The following LAMA2 variants were observed in gnomAD, a reference collection of about 807,000 sequenced individuals.
LAMA2 encodes the protein laminin subunit alpha 2, also known as laminin subunit alpha-2.
In LAMA2, 269 loss-of-function variants were observed where a neutral mutation model predicts 364.8. The observed-to-expected ratio is 0.74, with a 90% CI of 0.67 to 0.82. The LOEUF is 0.82. LAMA2 is among the 40% of genes least tolerant of loss of function. The probability of loss-of-function intolerance (pLI) is 0.00; values close to 1 mark genes in which losing one functional copy is unlikely to be tolerated. For synonymous variants in LAMA2, 1,379 were observed against 1,370.6 expected, an observed-to-expected ratio of 1.01 and a Z score of -0.14; for missense variants, 3,807 against 3,873.2, an observed-to-expected ratio of 0.98 and a Z score of 0.45.
At chr6:129,315,403 A>T (rs1039578619) in intron 24 of LAMA2, 73 bp from the exon 25 acceptor site, 4 of 1,312,726 alleles carry the variant, frequency 3.0e-6, no homozygotes, top group African/African-American at 1.5e-5. Flanking sequence ...ATAGACATGC[A>T]GTTCGTAACT....
At chr6:128,991,916 T>G (rs1301660359) in intron 1 of LAMA2, among the ~76,000 whole-genome samples, 1 of 152,352 alleles carries the variant, frequency 6.6e-6, no homozygotes, top group East Asian at 1.9e-4. Flanking sequence ...TATGTCTACA[T>G]TATTTTAAAT....
chr6:128,919,432 G>T (rs951053788), intron 1 of LAMA2, among the ~76,000 whole-genome samples: 1 of 151,994 alleles, frequency 6.6e-6, no homozygotes, highest in Non-Finnish European at 1.5e-5. Context: ...GTTAATATTG[G>T]CCACAAATCA....
intron 1 of LAMA2, among the ~76,000 whole-genome samples, chr6:128,986,105 T>G (rs1334362099): frequency 6.6e-6 from 1 of 152,210 alleles, no homozygotes; most frequent in Non-Finnish European, 1.5e-5. Flanking sequence ...TCATAGATTT[T>G]AAATATATTT....
intron 22 of LAMA2, among the ~76,000 whole-genome samples, chr6:129,305,820 C>CT (rs957518170): frequency 3.1e-4 from 45 of 145,820 alleles, no homozygotes; most frequent in East Asian, 7.9e-4. Context: ...CTGCTCTTGC[C>CT]TTTTTTTTTT....
Position 129,516,199 on chromosome 6 carries a change from A to T in LAMA2, c.9221A>T (p.Lys3074Met). 1 of 1,614,144 alleles carries T rather than the reference A, an allele frequency of 6.2e-7. No individual in the cohort carries two copies. Among genetic ancestry groups the T allele is most frequent in the Non-Finnish European group, 8.5e-7 (1 of 1,180,014 alleles). Residue 3074 changes from lysine to methionine, a missense_variant, in exon 65 of 65, where the codon AAG (lysine) becomes ATG (methionine). By Grantham distance (95) the Lys-to-Met change is moderately conservative. Around this residue, in one of 3 missense-constraint regions of LAMA2, gnomAD observed 3,333 missense variants for 3,345.7 expected, o/e 1.00. Transcript: ENST00000421865. ...VFVGGFPDDL[K>M]QFGLTTSIPF... is the part of the protein sequence containing the mutation. Reference sequence around the variant, plus strand: ...GCATTGCCTTTTTCAGATGACCTCAAGCAGTTTGGCCTAACAACCAGTATT... The same window carrying T: ...GCATTGCCTTTTTCAGATGACCTCATGCAGTTTGGCCTAACAACCAGTATT...
chr6:129,442,253 A>G (rs777645009), intron 43 of LAMA2: 1 of 1,298,674 alleles, frequency 7.7e-7, no homozygotes, highest in Non-Finnish European at 1.0e-6. Flanking sequence ...ATGATATAAT[A>G]GACATTATTA....
rs1433751700 is a variant in LAMA2, at chr6:129,312,879, G to T, written c.3193G>T (p.Val1065Leu). 1.6e-5 allele frequency: 26 copies of T among 1,613,818 alleles called. No homozygotes were observed. The highest frequency in any genetic ancestry group is 2.1e-5 in the Non-Finnish European group (25 of 1,179,822). ...TGCKACNCST[V>L]GSLDFQCNVN... ...TCTATAGGCTTGTAACTGCAGCACA[G>T]TGGGATCCTTGGATTTCCAATGCAA... The change falls in exon 23 of 65, where the codon GTG becomes TTG. Residue 1065 changes from valine to leucine, a missense_variant. Physicochemically the swap from Val to Leu is conservative, Grantham distance 32. Around this residue, in one of 3 missense-constraint regions of LAMA2, gnomAD observed 3,333 missense variants for 3,345.7 expected, o/e 1.00. Coordinates refer to ENST00000421865, the MANE Select transcript of LAMA2 (RefSeq NM_000426.4).
intron 55 of LAMA2, among the ~76,000 whole-genome samples, chr6:129,484,753 A>C (rs188212575): frequency 2.0e-5 from 3 of 152,332 alleles, no homozygotes; most frequent in Admixed American, 2.0e-4. Flanking sequence ...ATATTTTTTA[A>C]AAGTAAGGTA....
intron 1 of LAMA2, among the ~76,000 whole-genome samples, chr6:128,914,082 A>G (rs903082186): frequency 6.6e-6 from 1 of 152,208 alleles, no homozygotes; most frequent in Non-Finnish European, 1.5e-5. Context: ...CCTCAAGGTT[A>G]TTAACAGAAA....
chr6:129,471,725 A>T (rs1204520023), intron 51 of LAMA2, among the ~76,000 whole-genome samples: 1 of 151,982 alleles, frequency 6.6e-6, no homozygotes, highest in Non-Finnish European at 1.5e-5. Context: ...AAAAATAATA[A>T]AATAGGTGTG....
chr6:129,181,488 A>G (rs1423409716), intron 10 of LAMA2, among the ~76,000 whole-genome samples: 2 of 152,060 alleles, frequency 1.3e-5, no homozygotes, highest in Non-Finnish European at 2.9e-5. Flanking sequence ...AATAGACGCT[A>G]TATTAAAATT....
chr6:129,018,796 A>G (rs1396992790), intron 1 of LAMA2, among the ~76,000 whole-genome samples: 3 of 152,134 alleles, frequency 2.0e-5, no homozygotes, highest in Admixed American at 6.5e-5. Flanking sequence ...TTTAAATACT[A>G]TATGTCTTTT....
At chr6:129,073,247 C>T (rs7751105) in intron 3 of LAMA2, among the ~76,000 whole-genome samples, 104,156 of 151,852 alleles carry the variant, frequency 0.69, 36,124 homozygotes, top group East Asian at 0.81. Context: ...AGTCTTATTG[C>T]TGGTTCTTGG....
At chr6:129,233,591 T>G (rs923544172) in intron 12 of LAMA2, among the ~76,000 whole-genome samples, 13 of 152,128 alleles carry the variant, frequency 8.5e-5, no homozygotes, top group Admixed American at 2.0e-4. Context: ...CTGCATCATC[T>G]TCATGTTGAA....
chr6:129,218,837 A>T (rs987229858), intron 12 of LAMA2, among the ~76,000 whole-genome samples: 2 of 151,474 alleles, frequency 1.3e-5, no homozygotes, highest in South Asian at 2.1e-4. Context: ...AAATTTAGAT[A>T]CATGTTTAAT....
At chr6:129,217,195 A>T (rs12664348) in intron 12 of LAMA2, among the ~76,000 whole-genome samples, 17,917 of 151,618 alleles carry the variant, frequency 0.12, 1,544 homozygotes, top group East Asian at 0.45. Flanking sequence ...CTCAAAAAAA[A>T]AATAATAATA....
chr6:129,511,276 T>G (rs1786550275), intron 62 of LAMA2, among the ~76,000 whole-genome samples: 1 of 152,166 alleles, frequency 6.6e-6, no homozygotes, highest in Non-Finnish European at 1.5e-5. Flanking sequence ...TTTTGGCCTC[T>G]TCATTCCTTC....
At chr6:129,153,948 G>T (rs1033630792) in intron 7 of LAMA2, among the ~76,000 whole-genome samples, 2 of 152,026 alleles carry the variant, frequency 1.3e-5, no homozygotes, top group African/African-American at 4.8e-5. Context: ...ATATAAAATT[G>T]CACGTTAGTC....
intron 22 of LAMA2, among the ~76,000 whole-genome samples, chr6:129,311,566 A>G (rs1187970661): frequency 6.6e-6 from 1 of 152,200 alleles, no homozygotes; most frequent in Non-Finnish European, 1.5e-5. Context: ...CTGTATCACA[A>G]AGCAGGGTGA....
Sources: allele counts gnomAD v4.1 joint callset (sites outside exome capture counted in the v4.1 genomes callset), GRCh38; gene constraint gnomAD v4.1.1; regional missense constraint gnomAD v4.1.1; transcripts MANE v1.5; gene names NCBI Gene and HGNC (gene_info 2026-07-23, HGNC 2026-07-21).